ZBTB8A: variants seen among roughly 807,000 people sequenced by gnomAD.
The protein encoded by ZBTB8A is zinc finger and BTB domain-containing protein 8A.
A neutral mutation model predicts 37.8 loss-of-function variants in ZBTB8A; 19 were observed. The ratio of observed to expected loss-of-function variants is 0.50; its 90% CI spans 0.35 to 0.74. The LOEUF is 0.74. Among genes scored for constraint, ZBTB8A ranks in the 30% least tolerant of loss-of-function variants. ZBTB8A has a pLI of 0.01. For synonymous variants in ZBTB8A, 181 were observed against 185.2 expected (o/e 0.98, Z 0.19); for missense variants, 394 against 537.8 (o/e 0.73, Z 2.65).
At chr1:32,571,236 G>GT (rs1379130721) in intron 2 of ZBTB8A, among the ~76,000 whole-genome samples, 1 of 152,168 alleles carries the variant, frequency 6.6e-6, no homozygotes, top group East Asian at 1.9e-4. Context: ...GTACAGTGTT[G>GT]GATAGAAATA....
Position 32,593,657 on chromosome 1 carries a change from G to A in ZBTB8A, c.726G>A (p.Gln242=), listed in dbSNP as rs1644507319. The change falls in exon 3 of 5, where the codon CAG becomes CAA. Residue 242 remains glutamine (Q), a synonymous_variant. Coordinates refer to ENST00000373510, the MANE Select transcript of ZBTB8A (RefSeq NM_001040441.3). Reference sequence around the variant, plus strand: ...CTGATTCTTCCAGCCATGTTTCCCAGTCTGAAGAACAAGCACAGATTGATG... The same window carrying A: ...CTGATTCTTCCAGCCATGTTTCCCAATCTGAAGAACAAGCACAGATTGATG... ...RTSDSSSHVS[Q]SEEQAQIDAE... The A allele has an allele frequency of 6.2e-7, 1 of 1,614,166 alleles. No individual in the cohort carries two copies.
At chr1:32,573,070 CTT>C (rs765833626) in intron 2 of ZBTB8A, among the ~76,000 whole-genome samples, 10 of 115,714 alleles carry the variant, frequency 8.6e-5, no homozygotes, top group Non-Finnish European at 9.1e-5. Context: ...TCTCTAGATT[CTT>C]TTTTTTTTTT....
At chr1:32,577,586 CTTTTTTTT>C (rs775868211) in intron 2 of ZBTB8A, among the ~76,000 whole-genome samples, 3 of 86,762 alleles carry the variant, frequency 3.5e-5, no homozygotes, top group South Asian at 3.9e-4. Context: ...ATATTGTATT[CTTTTTTTT>C]TTTTTTTTTT....
chr1:32,554,428 C>T (rs1644183505), intron 2 of ZBTB8A, among the ~76,000 whole-genome samples: 1 of 150,144 alleles, frequency 6.7e-6, no homozygotes, highest in Non-Finnish European at 1.5e-5. Context: ...TTTTTTAACA[C>T]CCAGCATACA....
intron 3 of ZBTB8A, among the ~76,000 whole-genome samples, chr1:32,594,594 C>G (rs904274977): frequency 3.3e-5 from 5 of 152,034 alleles, no homozygotes; most frequent in Non-Finnish European, 5.9e-5. Flanking sequence ...AACCATGTCT[C>G]TACGAAAAAT....
intron 1 of ZBTB8A, among the ~76,000 whole-genome samples, chr1:32,541,990 G>C (rs1644059624): frequency 6.6e-6 from 1 of 152,162 alleles, no homozygotes; most frequent in Non-Finnish European, 1.5e-5. Context: ...GTTTAATGGG[G>C]TATTAAATGC....
intron 2 of ZBTB8A, among the ~76,000 whole-genome samples, chr1:32,577,775 G>T (rs1253854437): frequency 1.3e-5 from 2 of 151,196 alleles, no homozygotes; most frequent in South Asian, 2.1e-4. Flanking sequence ...TAGAGAGGGG[G>T]TTTCACCAAG....
At chr1:32,554,667 C>G (rs897576607) in intron 2 of ZBTB8A, among the ~76,000 whole-genome samples, 4 of 151,918 alleles carry the variant, frequency 2.6e-5, no homozygotes, top group African/African-American at 7.3e-5. Flanking sequence ...TTAGTAGAGA[C>G]TGGGTTTCAC....
rs75343729 is a variant in ZBTB8A, at chr1:32,549,898, T to G, written c.-83-3561T>G. Among the ~76,000 whole-genome samples, 541 of 152,328 alleles carry G rather than the reference T, an allele frequency of 3.6e-3. 7 individuals are homozygous for G. The East Asian group carries it at 0.043, about 12-fold the overall frequency. On this transcript the variant is annotated intron_variant, in intron 1 of 4. Coordinates refer to ENST00000373510, the MANE Select transcript of ZBTB8A (RefSeq NM_001040441.3). Reference sequence around the variant, plus strand: ...AAAAAATACAATGTTTCCATAAATGTGCTTGCCAGCATTAACAGCCAAAAC... The same window carrying G: ...AAAAAATACAATGTTTCCATAAATGGGCTTGCCAGCATTAACAGCCAAAAC...
At chr1:32,596,932 T>C (rs1303924938) in intron 4 of ZBTB8A, among the ~76,000 whole-genome samples, 1 of 152,206 alleles carries the variant, frequency 6.6e-6, no homozygotes, top group African/African-American at 2.4e-5. Context: ...CAGTGATTAC[T>C]GAATCCTTGT....
chr1:32,572,437 C>T (rs1454674785), intron 2 of ZBTB8A, among the ~76,000 whole-genome samples: 1 of 150,820 alleles, frequency 6.6e-6, no homozygotes, highest in Non-Finnish European at 1.5e-5. Flanking sequence ...ACTCTGTTAC[C>T]CAGGCTGGAG....
At chr1:32,589,540 C>T (rs1440582177) in intron 2 of ZBTB8A, among the ~76,000 whole-genome samples, 2 of 148,636 alleles carry the variant, frequency 1.3e-5, no homozygotes, top group East Asian at 4.0e-4. Context: ...TGTGAGCCAC[C>T]GCGCCCAGCC....
chr1:32,582,741 C>G, intron 2 of ZBTB8A, among the ~76,000 whole-genome samples: 1 of 152,132 alleles, frequency 6.6e-6, no homozygotes, highest in South Asian at 2.1e-4. Flanking sequence ...ACTTGTCTGA[C>G]ATAACCATGC....
At chr1:32,558,890 G>A (rs1458910754) in intron 2 of ZBTB8A, among the ~76,000 whole-genome samples, 2 of 152,138 alleles carry the variant, frequency 1.3e-5, no homozygotes, top group African/African-American at 2.4e-5. Context: ...TGTCCCAGGC[G>A]CCTGCAGAGT....
rs1441604789 is a variant in ZBTB8A, at chr1:32,600,666, TCTTA to T, written c.*251_*254del. On this transcript the variant is annotated 3_prime_UTR_variant, in exon 5 of 5. Coordinates refer to ENST00000373510, the MANE Select transcript of ZBTB8A (RefSeq NM_001040441.3). ...TGGCTTGATGGATGAACAATTATCC[TCTTA>T]CTTTCATTACAATCCTCTTACTTTA... 4.9e-6 allele frequency: 2 copies of T among 407,590 alleles called. No homozygotes were observed. The highest frequency in any genetic ancestry group is 8.8e-6 in the Non-Finnish European group (2 of 227,468). The allele number at this position is 407,590 out of a possible 1,614,324, so 25.2% of individuals were successfully genotyped here. A position where few individuals can be genotyped will look rare whatever the true frequency, so the allele number is the denominator to read the frequency against.
rs1446562362 is a variant in ZBTB8A at position 32,594,187 on chromosome 1, CTG to C, written c.823+435_823+436del. 1.1e-4 allele frequency among the ~76,000 whole-genome samples: 15 copies of C among 141,902 alleles called. No homozygotes were observed. The South Asian group carries it at 3.3e-3, about 31-fold the overall frequency. 93.1% of individuals were successfully genotyped at this position (141,902 alleles called of 152,430 possible). ...CCATCCTGGGCGATAGAGTGAGACT[CTG>C]TCTCAAAAAAACAAAAAAAGAAGAA... On this transcript the variant is annotated intron_variant, in intron 3 of 4. Transcript: ENST00000373510.
In ZBTB8A at chr1:32,604,574, T is replaced by A. The variant is rs181409569; in HGVS notation, c.*4155T>A. 6.6e-6 allele frequency: 1 copy of A among 152,298 alleles called. No homozygotes were observed. Among genetic ancestry groups the A allele is most frequent in the African/African-American group, 2.4e-5 (1 of 41,576 alleles). The allele number at this position is 152,298 out of a possible 1,614,324, so 9.4% of individuals were successfully genotyped here. ...ATGTTCCTTCTATGGGTATCAGATC[T>A]TAAGACTTTTTAAAATTTAGGAACA... On this transcript the variant is annotated 3_prime_UTR_variant, in exon 5 of 5. Transcript: ENST00000373510.
chr1:32,577,121 G>C (rs1203076344), intron 2 of ZBTB8A, among the ~76,000 whole-genome samples: 3 of 150,648 alleles, frequency 2.0e-5, no homozygotes, highest in African/African-American at 4.9e-5. Flanking sequence ...TGATCTGCCC[G>C]CCTTGGCCTC....
chr1:32,553,922 G>A (rs1402221424), intron 2 of ZBTB8A, among the ~76,000 whole-genome samples: 4 of 149,000 alleles, frequency 2.7e-5, no homozygotes, highest in African/African-American at 5.0e-5. Context: ...ATTTTGGGCC[G>A]GGTACGGTGG....
Sources: gnomAD v4.1 joint callset for allele counts (sites outside exome capture counted in the v4.1 genomes callset) on GRCh38, gnomAD v4.1.1 for gene constraint, MANE v1.5 for transcripts, NCBI Gene and HGNC (gene_info 2026-07-23, HGNC 2026-07-21) for gene names.